Variants in USP20 observed in about 807,000 individuals in gnomAD.
The protein encoded by USP20 is ubiquitin specific peptidase 20.
USP20 carries 80 observed loss-of-function variants against 124.2 expected under a neutral mutation model. The ratio of observed to expected loss-of-function variants is 0.64; its 90% confidence interval spans 0.54 to 0.78. The LOEUF (loss-of-function observed/expected upper bound fraction) is 0.78, where lower values mean the gene tolerates loss of function less well. Among genes scored for constraint, USP20 ranks in the 30% least tolerant of loss-of-function variants. USP20 has a pLI of 0.00. For synonymous variants in USP20, 481 were observed against 512.3 expected (o/e 0.94, Z 0.83); for missense variants, 1,043 against 1,244.4 (o/e 0.84, Z 2.44).
rs374928171 is a variant in USP20 at position 129,879,588 on chromosome 9, T to C, written c.2528T>C (p.Ile843Thr). The C allele has an allele frequency of 5.0e-6, 8 of 1,613,562 alleles. No individual in the cohort carries two copies. Among genetic ancestry groups the C allele is most frequent in the African/African-American group, 1.3e-5 (1 of 74,916 alleles). ...TCTGTTGCAGAGCCCCCCGGGCCCATTGACAACAGCAGGATTGCACAGGTC... is the reference window on the plus strand; with the variant it reads ...TCTGTTGCAGAGCCCCCCGGGCCCACTGACAACAGCAGGATTGCACAGGTC... Reference protein sequence around the residue: ...KGKDNEPPGPIDNSRIAQVKG... With the variant: ...KGKDNEPPGPTDNSRIAQVKG... The change falls in exon 24 of 26, where the codon ATT becomes ACT. Residue 843 changes from isoleucine to threonine, a missense_variant. Transcript: ENST00000372429. This position sits in a 1 kb window ranked among gnomAD's most constrained non-coding sequence, Gnocchi z 4.2.
intron 4 of USP20, among the ~76,000 whole-genome samples, chr9:129,857,706 C>T (rs951473820): frequency 4.5e-4 from 69 of 152,138 alleles, no homozygotes; most frequent in African/African-American, 1.6e-3. Flanking sequence ...AATAACTGAC[C>T]CCACTTCACA....
At chr9:129,854,083 C>T (rs1034297973) in intron 3 of USP20, among the ~76,000 whole-genome samples, 2 of 152,204 alleles carry the variant, frequency 1.3e-5, no homozygotes, top group South Asian at 2.1e-4. Context: ...TGACTTCACT[C>T]TCATTCTTAT....
intron 10 of USP20, among the ~76,000 whole-genome samples, chr9:129,865,981 C>T (rs537332581): frequency 1.2e-3 from 188 of 152,220 alleles, no homozygotes; most frequent in African/African-American, 4.4e-3. Flanking sequence ...TCTAGAGAAC[C>T]CTTTTGAAAC....
In USP20 at chr9:129,860,942, C is replaced by T; in HGVS notation, c.336C>T (p.Ser112=). The T allele has an allele frequency of 2.5e-6, 4 of 1,614,018 alleles. No homozygotes were observed. The highest frequency in any genetic ancestry group is 3.4e-6 in the Non-Finnish European group (4 of 1,179,888). The stretch of plus-strand genomic sequence containing the variant: ...ACTTTGGGTCTTTAACACAGGACTC[C>T]CCGCCACCCTCCCACCCTCTGAAAG... ...GSSSKFSEQD[S]PPPSHPLKAV... Residue 112 remains serine, a synonymous_variant, in exon 7 of 26, where the codon TCC becomes TCT. Transcript: ENST00000372429.
At chr9:129,838,620 A>G (rs1431985723) in intron 1 of USP20, among the ~76,000 whole-genome samples, 5 of 152,148 alleles carry the variant, frequency 3.3e-5, no homozygotes, top group Non-Finnish European at 5.9e-5. Flanking sequence ...CTGAGATTGC[A>G]TGGGGGAAGG....
At chr9:129,880,054 G>A (rs1189122826) in intron 24 of USP20, 59 bp from the exon 25 acceptor site, 17 of 1,589,630 alleles carry the variant, frequency 1.1e-5, no homozygotes, top group Middle Eastern at 3.4e-4. Context: ...CACTGCCCAG[G>A]CCGGTGGCTT....
intron 22 of USP20, among the ~76,000 whole-genome samples, chr9:129,877,849 G>A (rs1478400001): frequency 6.6e-6 from 1 of 152,062 alleles, no homozygotes; most frequent in Non-Finnish European, 1.5e-5. Flanking sequence ...CGAGGTGGGC[G>A]GATCACCTGA....
Position 129,879,323 on chromosome 9 carries a change from G to A in USP20, c.2513-250G>A, listed in dbSNP as rs1588294522. 1 of 513,182 alleles carries A rather than the reference G, an allele frequency of 1.9e-6. No individual in the cohort carries two copies. The highest frequency in any genetic ancestry group is 3.2e-5 in the East Asian group (1 of 31,310). The allele number at this position is 513,182 out of a possible 1,614,324, so 31.8% of individuals were successfully genotyped here. A position where few individuals can be genotyped will look rare whatever the true frequency, so the allele number is the denominator to read the frequency against. On this transcript the variant is annotated intron_variant, in intron 23 of 25. Transcript: ENST00000372429. The surrounding 1 kb of genome is among the most constrained non-coding windows in gnomAD (Gnocchi z 4.2). ...GAGCGGCAGCTGCCAGCAGAGATAAGGGCATGGGCCATCCACCGCAGCTCC... is the reference window on the plus strand; with the variant it reads ...GAGCGGCAGCTGCCAGCAGAGATAAAGGCATGGGCCATCCACCGCAGCTCC...
At chr9:129,871,403 C>G (rs960319067) in intron 15 of USP20, among the ~76,000 whole-genome samples, 1 of 152,152 alleles carries the variant, frequency 6.6e-6, no homozygotes. Flanking sequence ...ATGGCTGGGG[C>G]CTTTCTGCTT....
chr9:129,877,443 A>C (rs1437100528), intron 22 of USP20, among the ~76,000 whole-genome samples: 1 of 152,186 alleles, frequency 6.6e-6, no homozygotes, highest in African/African-American at 2.4e-5. Flanking sequence ...GGATCACCTA[A>C]GCCTGGGAGG....
chr9:129,844,586 T>C lies in USP20; in HGVS notation c.-128-5227T>C, dbSNP rs2032423079. ...GTGTGTTCAGTCGAGATCGCACCAC[T>C]GCACTCCAGCCTGGGTGACAGAGCG... On this transcript the variant is annotated intron_variant, in intron 1 of 25. Coordinates refer to ENST00000372429, the MANE Select transcript of USP20 (RefSeq NM_001110303.4). Among the ~76,000 whole-genome samples the C allele has an allele frequency of 2.9e-5, 4 of 135,622 alleles. No individual in the cohort carries two copies. In the South Asian group the frequency reaches 9.1e-4, roughly 31 times the overall value. The allele number at this position is 135,622 out of a possible 152,430, so 89.0% of individuals were successfully genotyped here. A position where few individuals can be genotyped will look rare whatever the true frequency, so the allele number is the denominator to read the frequency against.
intron 1 of USP20, among the ~76,000 whole-genome samples, chr9:129,846,247 A>ATATATATATGTATTTTTTTTTTT (rs1554742656): frequency 2.8e-4 from 9 of 32,662 alleles, no homozygotes; most frequent in Non-Finnish European, 4.2e-4. Context: ...ATATATATAT[A>ATATATATATGTATTTTTTTTTTT]TTTTTTTTTT....
At chr9:129,840,433 C>T (rs2032134432) in intron 1 of USP20, among the ~76,000 whole-genome samples, 1 of 152,196 alleles carries the variant, frequency 6.6e-6, no homozygotes, top group Non-Finnish European at 1.5e-5. Context: ...GGTCCTGGAT[C>T]CTGCGATGGG....
rs768856881 is a variant in USP20, at chr9:129,861,046, A to G, written c.427+13A>G. 231 of 1,610,666 alleles carry G rather than the reference A, an allele frequency of 1.4e-4. No individual in the cohort carries two copies. Among genetic ancestry groups the G allele is most frequent in the Non-Finnish European group, 1.8e-4 (216 of 1,177,540 alleles). Reference sequence around the variant, plus strand: ...CTGAAACCTCGAGGTAATGGCCCCCACAGCAGGGGAAGCTGATGGGCTGGG... The same window carrying G: ...CTGAAACCTCGAGGTAATGGCCCCCGCAGCAGGGGAAGCTGATGGGCTGGG... On this transcript the variant is annotated intron_variant, in intron 7 of 25. Coordinates refer to ENST00000372429, the MANE Select transcript of USP20 (RefSeq NM_001110303.4).
chr9:129,868,403 G>A lies in USP20; in HGVS notation c.1089G>A (p.Glu363=). The A allele has an allele frequency of 6.2e-7, 1 of 1,612,156 alleles. No homozygotes were observed. Among genetic ancestry groups the A allele is most frequent in the Non-Finnish European group, 8.5e-7 (1 of 1,179,448 alleles). ...AMAALDDQPA[E]AQPPSPRSSS... ...CTGCCCTTGACGACCAGCCCGCGGA[G>A]GCCCAGCCCCCGTCACCACGGTCCT... Residue 363 remains glutamate (E), a synonymous_variant, in exon 11 of 26, where the codon GAG becomes GAA. Transcript: ENST00000372429.
In USP20 at chr9:129,873,520, G is replaced by T; in HGVS notation, c.1694+5G>T. The T allele has an allele frequency of 6.2e-7, 1 of 1,614,200 alleles. No homozygotes were observed. Among genetic ancestry groups the T allele is most frequent in the Non-Finnish European group, 8.5e-7 (1 of 1,180,040 alleles). ...CAGCTGTGAGCGGTGTAAGAAGTAAGTGAGCCTTCCCCCGCCTTCTCCCTA... is the reference window on the plus strand; with the variant it reads ...CAGCTGTGAGCGGTGTAAGAAGTAATTGAGCCTTCCCCCGCCTTCTCCCTA... On this transcript the variant is annotated splice_donor_5th_base_variant and intron_variant, in intron 16 of 25. Coordinates refer to ENST00000372429, the MANE Select transcript of USP20 (RefSeq NM_001110303.4).
chr9:129,858,201 G>C, intron 5 of USP20, 89 bp downstream of exon 5: 1 of 1,400,282 alleles, frequency 7.1e-7, no homozygotes, highest in Non-Finnish European at 1.0e-6. Context: ...GGGCCTAAAT[G>C]GCTGGGGCAA....
In USP20 at chr9:129,868,927, G is replaced by A. The variant is rs768881211; in HGVS notation, c.1201G>A (p.Gly401Ser). The change falls in exon 12 of 26, where the codon GGC becomes AGC. Residue 401 changes from glycine to serine, a missense_variant. Physicochemically the swap from Gly to Ser is moderately conservative, Grantham distance 56 (BLOSUM62 0). Transcript: ENST00000372429. Reference sequence around the variant, plus strand: ...CTGCAGCCCCGTCCACCACCACGAGGGCCATGCCAAGCTGTCTAGCAGCCC... The same window carrying A: ...CTGCAGCCCCGTCCACCACCACGAGAGCCATGCCAAGCTGTCTAGCAGCCC... ...RPCSPVHHHE[G>S]HAKLSSSPPR... 13 of 1,612,422 alleles carry A rather than the reference G, an allele frequency of 8.1e-6. No individual in the cohort carries two copies. In the East Asian group the frequency reaches 1.1e-4, roughly 14 times the overall value.
At chr9:129,871,936 G>A (rs1192015271) in intron 15 of USP20, among the ~76,000 whole-genome samples, 1 of 152,012 alleles carries the variant, frequency 6.6e-6, no homozygotes, top group African/African-American at 2.4e-5. Context: ...GGCTGGTCTT[G>A]AACTCCTGAC....
Sources: gnomAD v4.1 joint callset for allele counts (sites outside exome capture counted in the v4.1 genomes callset) on GRCh38, gnomAD v4.1.1 for gene constraint, Gnocchi (gnomAD v3.1) non-coding constraint, MANE v1.5 for transcripts, NCBI Gene and HGNC (gene_info 2026-07-23, HGNC 2026-07-21) for gene names.